The following FBXO47 variants were observed in gnomAD, a reference collection of about 807,000 sequenced individuals.
The protein encoded by FBXO47 is F-box only protein 47.
FBXO47 carries 34 observed loss-of-function variants against 53.9 expected under a neutral mutation model. That is an observed-to-expected ratio of 0.63 (90% CI 0.48 to 0.84). The LOEUF is 0.84. Among genes scored for constraint, FBXO47 ranks in the 40% least tolerant of loss-of-function variants. The pLI is 0.00. For synonymous variants in FBXO47, 165 were observed against 181.6 expected, an observed-to-expected ratio of 0.91 and a Z score of 0.73; for missense variants, 485 against 541.3, an observed-to-expected ratio of 0.90 and a Z score of 1.03.
chr17:38,953,533 G>A (rs767452462), intron 5 of FBXO47, among the ~76,000 whole-genome samples: 7 of 151,688 alleles, frequency 4.6e-5, no homozygotes, highest in Admixed American at 2.0e-4. Context: ...GCTGAGGCAG[G>A]AGAATTGCTT....
chr17:38,962,914 T>C lies in FBXO47; in HGVS notation c.112A>G (p.Ile38Val), dbSNP rs746047037. The C allele has an allele frequency of 3.1e-6, 5 of 1,613,386 alleles. No homozygotes were observed. Among genetic ancestry groups the C allele is most frequent in the Admixed American group, 1.7e-5 (1 of 59,966 alleles). ...SKTLGSGFQPISTFGNFKALP... is the reference protein window; with the variant it reads ...SKTLGSGFQPVSTFGNFKALP... The stretch of plus-strand genomic sequence containing the variant: ...GCTTTAAAATTTCCAAATGTTGATA[T>C]GGGTTGAAAGCCTGAGCCAAGGGTC... The change falls in exon 2 of 11, where the codon ATA becomes GTA. Residue 38 changes from isoleucine to valine, a missense_variant. Coordinates refer to ENST00000378079, the MANE Select transcript of FBXO47 (RefSeq NM_001008777.3).
At position 38,936,466 on chromosome 17, in the gene FBXO47, C is replaced by T. The variant is rs1915582585; in HGVS notation, c.*709G>A. On this transcript the variant is annotated 3_prime_UTR_variant, in exon 11 of 11. Coordinates refer to ENST00000378079, the MANE Select transcript of FBXO47 (RefSeq NM_001008777.3). Reference sequence around the variant, plus strand: ...TTTCATTTTATTTTTCTCTTATTTGCTACATTTTATTTGAATCCCCAGTAA... The same window carrying T: ...TTTCATTTTATTTTTCTCTTATTTGTTACATTTTATTTGAATCCCCAGTAA... 1 of 152,048 alleles carries T rather than the reference C, an allele frequency of 6.6e-6. No individual in the cohort carries two copies. The highest frequency in any genetic ancestry group is 6.6e-5 in the Admixed American group (1 of 15,262). The allele number at this position is 152,048 out of a possible 1,614,324, so 9.4% of individuals were successfully genotyped here.
chr17:38,937,348 T>C, intron 10 of FBXO47, 58 bp from the exon 11 acceptor site: 2 of 588,222 alleles, frequency 3.4e-6, no homozygotes, highest in Non-Finnish European at 5.6e-6. Context: ...AAGTATATAA[T>C]TTATTTTATT....
intron 6 of FBXO47, among the ~76,000 whole-genome samples, chr17:38,946,323 T>A (rs766182420): frequency 1.1e-5 from 1 of 91,728 alleles, no homozygotes; most frequent in Non-Finnish European, 1.8e-5. Context: ...TAAATATATA[T>A]AAATATATAA....
At chr17:38,954,234 G>A (rs2143943223) in intron 5 of FBXO47, among the ~76,000 whole-genome samples, 1 of 152,048 alleles carries the variant, frequency 6.6e-6, no homozygotes, top group South Asian at 2.1e-4. Flanking sequence ...GGAGGTGGAG[G>A]TTGCAGTGAG....
intron 7 of FBXO47, among the ~76,000 whole-genome samples, 196 bp downstream of exon 7, chr17:38,944,764 G>A (rs534774445): frequency 1.1e-4 from 17 of 151,824 alleles, no homozygotes; most frequent in Non-Finnish European, 2.1e-4. Context: ...CCAGCTACTT[G>A]GGAGGCTGAG....
At chr17:38,956,817 C>T (rs1905579472) in intron 4 of FBXO47, among the ~76,000 whole-genome samples, 2 of 152,012 alleles carry the variant, frequency 1.3e-5, no homozygotes, top group African/African-American at 2.4e-5. Context: ...TACATTTAAA[C>T]AATAAAATTT....
intron 5 of FBXO47, among the ~76,000 whole-genome samples, chr17:38,954,159 G>A (rs1052285126): frequency 6.6e-6 from 1 of 151,954 alleles, no homozygotes; most frequent in African/African-American, 2.4e-5. Flanking sequence ...TTAGCCAGGC[G>A]TGGTGGCGGG....
chr17:38,963,858 A>G (rs1905956332), intron 1 of FBXO47, among the ~76,000 whole-genome samples: 1 of 137,242 alleles, frequency 7.3e-6, no homozygotes, highest in African/African-American at 2.7e-5. Context: ...GTGCAGTGGC[A>G]TGATGATAGC....
At chr17:38,953,540 G>A (rs1036817836) in intron 5 of FBXO47, among the ~76,000 whole-genome samples, 3 of 152,038 alleles carry the variant, frequency 2.0e-5, no homozygotes, top group Middle Eastern at 3.4e-3. Context: ...CAGGAGAATT[G>A]CTTGAACCTG....
intron 3 of FBXO47, among the ~76,000 whole-genome samples, chr17:38,959,141 C>T (rs1905692860): frequency 6.6e-6 from 1 of 151,228 alleles, no homozygotes; most frequent in South Asian, 2.1e-4. Context: ...AAACCCAATA[C>T]TGGCTGTTTA....
intron 4 of FBXO47, 30 bp from the exon 5 acceptor site, chr17:38,954,963 T>C (rs762088432): frequency 1.4e-6 from 2 of 1,465,888 alleles, no homozygotes; most frequent in Non-Finnish European, 1.9e-6. Context: ...AATACCTCCT[T>C]GTCAGTGAAA....
chr17:38,945,629 T>C (rs1161942634), intron 6 of FBXO47, among the ~76,000 whole-genome samples: 1 of 151,808 alleles, frequency 6.6e-6, no homozygotes, highest in Non-Finnish European at 1.5e-5. Context: ...CGAAACCCTG[T>C]CTCTACTAAA....
At chr17:38,946,267 T>TATAAAAATATATATAA (rs1904796447) in intron 6 of FBXO47, among the ~76,000 whole-genome samples, 1 of 101,818 alleles carries the variant, frequency 9.8e-6, no homozygotes, top group Non-Finnish European at 1.7e-5. Flanking sequence ...TATGTATAAA[T>TATAAAAATATATATAA]ATATATAAAA....
chr17:38,944,450 C>A (rs1904651946), intron 7 of FBXO47, among the ~76,000 whole-genome samples: 1 of 151,606 alleles, frequency 6.6e-6, no homozygotes, highest in Non-Finnish European at 1.5e-5. Flanking sequence ...CATCTGTAAT[C>A]CCAGCACTTT....
chr17:38,945,037 C>T lies in FBXO47; in HGVS notation c.716G>A (p.Arg239Gln), dbSNP rs1904687811. Residue 239 changes from arginine (R) to glutamine (Q), a missense_variant, in exon 7 of 11, where the codon CGA becomes CAA. Arg to Gln is a conservative substitution (Grantham distance 43, BLOSUM62 1). Transcript: ENST00000378079. ...CACCATTGGCCATGGTTTTAATATT[C>T]GCGTCAACCAAAAAGCAGAATCACT... ...HRSDSAFWLT[R>Q]ILKPWPMVNQ... The T allele has an allele frequency of 5.0e-6, 8 of 1,613,836 alleles. No homozygotes were observed. The highest frequency in any genetic ancestry group is 2.2e-5 in the East Asian group (1 of 44,874).
At position 38,962,826 on chromosome 17, in the gene FBXO47, A is replaced by G. The variant is rs989371771; in HGVS notation, c.181+19T>C. On this transcript the variant is annotated intron_variant, in intron 2 of 10. Coordinates refer to ENST00000378079, the MANE Select transcript of FBXO47 (RefSeq NM_001008777.3). ...CTCTAGTGTCTTGTGTAGGCTATTC[A>G]TAAGTTCCCAAACCTCACCTGACAA... 8 of 1,585,180 alleles carry G rather than the reference A, an allele frequency of 5.0e-6. No homozygotes were observed. The highest frequency in any genetic ancestry group is 2.7e-5 in the African/African-American group (2 of 73,984).
chr17:38,938,428 T>C, intron 10 of FBXO47, 145 bp downstream of exon 10: 1 of 562,680 alleles, frequency 1.8e-6, no homozygotes, highest in Non-Finnish European at 3.0e-6. Flanking sequence ...TACTTATTGT[T>C]AGTTTTTATT....
At chr17:38,941,625 T>TA (rs1225546317) in intron 9 of FBXO47, among the ~76,000 whole-genome samples, 1 of 134,428 alleles carries the variant, frequency 7.4e-6, no homozygotes, top group Non-Finnish European at 1.5e-5. Context: ...TAATATTATA[T>TA]ATATATATAT....
Sources: allele counts gnomAD v4.1 joint callset (sites outside exome capture counted in the v4.1 genomes callset), GRCh38; gene constraint gnomAD v4.1.1; transcripts MANE v1.5; gene names NCBI Gene and HGNC (gene_info 2026-07-23, HGNC 2026-07-21).